FBXW5: variants seen among roughly 807,000 people sequenced by gnomAD.
FBXW5 encodes F-box/WD repeat-containing protein 5.
A neutral mutation model predicts 50.9 loss-of-function variants in FBXW5; 74 were observed. The observed-to-expected ratio is 1.45, with a 90% CI of 1.20 to 1.76. FBXW5 has a LOEUF of 1.76. FBXW5 is among the 40% of genes most tolerant of loss of function. The probability of loss-of-function intolerance (pLI) is 0.00; values close to 1 mark genes in which losing one functional copy is unlikely to be tolerated. For missense variants in FBXW5, 1,073 were observed against 818.8 expected, an observed-to-expected ratio of 1.31 and a Z score of -3.79; for synonymous variants, 523 against 362.2, an observed-to-expected ratio of 1.44 and a Z score of -5.04.
intron 3 of FBXW5, 145 bp from the exon 4 acceptor site, chr9:136,943,088 C>A: frequency 2.3e-6 from 3 of 1,316,988 alleles, no homozygotes; most frequent in Non-Finnish European, 3.2e-6. Flanking sequence ...CTGTCATCCA[C>A]TCGGGGGGCA....
rs141420875 is a variant in FBXW5 at position 136,943,476 on chromosome 9, C to T, written c.224G>A (p.Arg75Gln). The change falls in exon 3 of 9, where the codon CGG becomes CAG. Residue 75 changes from arginine to glutamine, a missense_variant. Transcript: ENST00000325285. ...CACGCAGGGCACCGTGTCATACAGC[C>T]GCTGGAACTCCTCGTACCAGGACAT... ...AAMSWYEEFQ[R>Q]LYDTVPCVEV... 13 of 1,611,926 alleles carry T rather than the reference C, an allele frequency of 8.1e-6. No homozygotes were observed. The highest frequency in any genetic ancestry group is 2.7e-5 in the African/African-American group (2 of 74,914).
intron 1 of FBXW5, chr9:136,944,330 G>A (rs907902142): frequency 4.2e-5 from 25 of 600,258 alleles, no homozygotes; most frequent in Non-Finnish European, 5.4e-5. Context: ...GGCCGGCAGC[G>A]GGCGCCCCTC....
In FBXW5 at chr9:136,944,222, G is replaced by A. The variant is rs1341043336; in HGVS notation, c.-23-116C>T. 4 of 1,191,846 alleles carry A rather than the reference G, an allele frequency of 3.4e-6. No individual in the cohort carries two copies. The East Asian group carries it at 8.7e-5, about 26-fold the overall frequency. The allele number at this position is 1,191,846 out of a possible 1,614,324, so 73.8% of individuals were successfully genotyped here. A position where few individuals can be genotyped will look rare whatever the true frequency, so the allele number is the denominator to read the frequency against. On this transcript the variant is annotated intron_variant, in intron 1 of 8. Coordinates refer to ENST00000325285, the MANE Select transcript of FBXW5 (RefSeq NM_018998.4). The stretch of plus-strand genomic sequence containing the variant: ...GGGAGTTCCACGGGGCTGCGTGTCT[G>A]CAGGGGACGCCCGGGTACCGCCGCC...
In FBXW5 at chr9:136,942,296, C is replaced by G. The variant is rs539302134; in HGVS notation, c.846G>C (p.Leu282=). Residue 282 remains leucine, a synonymous_variant, in exon 6 of 9, where the codon CTG becomes CTC. Coordinates refer to ENST00000325285, the MANE Select transcript of FBXW5 (RefSeq NM_018998.4). ...CCACCACCTCCTCGTTGTCGCTGCC[C>G]AGGTCAAAGATGCGGCAGGGGGACG... is the stretch of plus-strand genomic sequence containing the variant. ...PATSPCRIFD[L]GSDNEEVVAG... The G allele has an allele frequency of 1.3e-6, 2 of 1,593,650 alleles. No homozygotes were observed. Among genetic ancestry groups the G allele is most frequent in the African/African-American group, 1.3e-5 (1 of 74,532 alleles).
intron 1 of FBXW5, chr9:136,944,377 G>A: frequency 3.0e-6 from 2 of 655,834 alleles, no homozygotes; most frequent in Non-Finnish European, 3.9e-6. Context: ...CGCGAGGCAC[G>A]GGGACACCAG....
Position 136,944,286 on chromosome 9 carries a change from C to T in FBXW5, c.-23-180G>A, listed in dbSNP as rs573877144. ...GGCAGCTCCGGGCGGGCCGGGCCGG[C>T]CCCTCTCCGCCGCGTCATCCCCCGG... is the stretch of plus-strand genomic sequence containing the variant. On this transcript the variant is annotated intron_variant, in intron 1 of 8. Transcript: ENST00000325285. 1.6e-4 allele frequency: 115 copies of T among 705,928 alleles called. No individual in the cohort carries two copies. In the East Asian group the frequency reaches 4.1e-3, roughly 25 times the overall value. The allele number at this position is 705,928 out of a possible 1,614,324, so 43.7% of individuals were successfully genotyped here. A position where few individuals can be genotyped will look rare whatever the true frequency, so the allele number is the denominator to read the frequency against.
At position 136,943,042 on chromosome 9, in the gene FBXW5, C is replaced by CA. The variant is rs1850858711; in HGVS notation, c.352-100dup. 1.9e-6 allele frequency: 3 copies of CA among 1,565,088 alleles called. 1 individual carries two copies. In the South Asian group the frequency reaches 3.4e-5, roughly 17 times the overall value. On this transcript the variant is annotated intron_variant, in intron 3 of 8. Coordinates refer to ENST00000325285, the MANE Select transcript of FBXW5 (RefSeq NM_018998.4). ...AGGCCCCAGCTCTGCCAGCCCTACT[C>CA]AGAGGCCACCAGGGAGCAGGGACCC...
chr9:136,944,154 C>A, intron 1 of FBXW5, 48 bp from the exon 2 acceptor site: 1 of 1,479,718 alleles, frequency 6.8e-7, no homozygotes, highest in Non-Finnish European at 9.0e-7. Context: ...GGAAGGGAGG[C>A]CGAGAGCGGG....
chr9:136,944,431 G>T, intron 1 of FBXW5, 163 bp downstream of exon 1: 2 of 893,200 alleles, frequency 2.2e-6, no homozygotes, highest in Middle Eastern at 5.5e-4. Context: ...AGCTCGGGGC[G>T]GCCAGGCAGT....
intron 1 of FBXW5, 22 bp downstream of exon 1, chr9:136,944,572 C>A (rs895121969): frequency 2.0e-5 from 20 of 983,760 alleles, no homozygotes; most frequent in Non-Finnish European, 2.4e-5. Context: ...GCGGGACCCC[C>A]GAGGGCCGCA....
chr9:136,942,765 T>G lies in FBXW5; in HGVS notation c.526+4A>C, dbSNP rs1174016274. On this transcript the variant is annotated splice_donor_region_variant and intron_variant, in intron 4 of 8. Transcript: ENST00000325285. ...GGCAGGGTCAACCCGCCGCCCGTGC[T>G]CACCTAGGCTGATGACAGCAATCTC... The G allele has an allele frequency of 6.2e-7, 1 of 1,612,176 alleles. No homozygotes were observed. Among genetic ancestry groups the G allele is most frequent in the Admixed American group, 1.7e-5 (1 of 59,968 alleles).
Position 136,941,288 on chromosome 9 carries a change from A to AG in FBXW5, c.1419dup (p.Phe474LeufsTer107), listed in dbSNP as rs1564432546. The AG allele has an allele frequency of 6.2e-7, 1 of 1,608,232 alleles. No individual in the cohort carries two copies. Among genetic ancestry groups the AG allele is most frequent in the East Asian group, 2.2e-5 (1 of 44,878 alleles). On this transcript the variant is annotated frameshift_variant, in exon 8 of 9. Coordinates refer to ENST00000325285, the MANE Select transcript of FBXW5 (RefSeq NM_018998.4). LOFTEE classifies it high-confidence loss of function. ...TCCCTGCTGACGTCCAGGAAGATGAAGAAGCACTCGTCGTTGGGCGTGTAG... is the reference window on the plus strand; with the variant it reads ...TCCCTGCTGACGTCCAGGAAGATGAAGGAAGCACTCGTCGTTGGGCGTGTAG...
Position 136,942,961 on chromosome 9 carries a change from C to T in FBXW5, c.352-18G>A. On this transcript the variant is annotated intron_variant, in intron 3 of 8. Coordinates refer to ENST00000325285, the MANE Select transcript of FBXW5 (RefSeq NM_018998.4). Reference sequence around the variant, plus strand: ...CTCCAGATCTGTTCGGCAGGGGCGGCTGTAGTGATCGCCTGGCCAGGTCGC... The same window carrying T: ...CTCCAGATCTGTTCGGCAGGGGCGGTTGTAGTGATCGCCTGGCCAGGTCGC... 1 of 1,611,988 alleles carries T rather than the reference C, an allele frequency of 6.2e-7. No homozygotes were observed. The highest frequency in any genetic ancestry group is 8.5e-7 in the Non-Finnish European group (1 of 1,179,732).
chr9:136,944,686 A>G lies in FBXW5; in HGVS notation c.-116T>C, dbSNP rs1588465213. ...CCGCTCGGACCGCCGCCCCCGCCCA[A>G]CGGGGAGCCCGCCAGGCCCGACGCC... On this transcript the variant is annotated 5_prime_UTR_variant, in exon 1 of 9. Transcript: ENST00000325285. The G allele has an allele frequency of 2.0e-6, 2 of 985,472 alleles. No individual in the cohort carries two copies. The highest frequency in any genetic ancestry group is 4.6e-5 in the South Asian group (1 of 21,924). 61.0% of individuals were successfully genotyped at this position (985,472 alleles called of 1,614,324 possible).
Position 136,943,362 on chromosome 9 carries a change from T to A in FBXW5, c.338A>T (p.Asp113Val). The A allele has an allele frequency of 3.7e-6, 6 of 1,612,124 alleles. No homozygotes were observed. Among genetic ancestry groups the A allele is most frequent in the Non-Finnish European group, 5.1e-6 (6 of 1,179,644 alleles). The part of the protein sequence containing the change: ...SGYQFASCSK[D>V]CTVKIWSNDL... Reference sequence around the variant, plus strand: ...GGCCGTCCTCACCTTCACAGTGCAGTCCTTGGAGCAGGACGCGAACTGGTA... The same window carrying A: ...GGCCGTCCTCACCTTCACAGTGCAGACCTTGGAGCAGGACGCGAACTGGTA... The change falls in exon 3 of 9, where the codon GAC becomes GTC. Residue 113 changes from aspartate to valine, a missense_variant. Physicochemically the swap from Asp to Val is radical, Grantham distance 152. Transcript: ENST00000325285.
At position 136,941,662 on chromosome 9, in the gene FBXW5, G is replaced by A; in HGVS notation, c.1119C>T (p.His373=). ...HQIGIKQILP[H]QMTTAGPVLG... The stretch of plus-strand genomic sequence containing the variant: ...GCACGGGCCCTGCCGTGGTCATCTG[G>A]TGTGGCAGGATCTGCTTGATGCCTG... Residue 373 remains histidine (H), a synonymous_variant, in exon 7 of 9, where the codon CAC becomes CAT. Transcript: ENST00000325285. 1.3e-6 allele frequency: 2 copies of A among 1,564,830 alleles called. No individual in the cohort carries two copies. The highest frequency in any genetic ancestry group is 8.7e-7 in the Non-Finnish European group (1 of 1,155,516).
intron 1 of FBXW5, chr9:136,944,331 G>A: frequency 1.7e-6 from 1 of 603,782 alleles, no homozygotes; most frequent in Non-Finnish European, 2.3e-6. Flanking sequence ...GCCGGCAGCG[G>A]GCGCCCCTCA....
chr9:136,940,853 C>T lies in FBXW5; in HGVS notation c.*75G>A, dbSNP rs1850722343. On this transcript the variant is annotated 3_prime_UTR_variant, in exon 9 of 9. Transcript: ENST00000325285. ...AACTGCTATAAGCATCTCCACCTCT[C>T]CCGCTCGGGAAAAAGCCACAGAGCC... 1 of 1,510,204 alleles carries T rather than the reference C, an allele frequency of 6.6e-7. No individual in the cohort carries two copies. Among genetic ancestry groups the T allele is most frequent in the African/African-American group, 1.4e-5 (1 of 72,594 alleles). 93.6% of individuals were successfully genotyped at this position (1,510,204 alleles called of 1,614,324 possible).
Position 136,941,329 on chromosome 9 carries a change from A to G in FBXW5, c.1379T>C (p.Leu460Pro). The change falls in exon 8 of 9, where the codon CTG becomes CCG. Residue 460 changes from leucine to proline, a missense_variant. Transcript: ENST00000325285. ...LKTMREVRRALRAHRAYTPND... is the reference protein window; with the variant it reads ...LKTMREVRRAPRAHRAYTPND... The stretch of plus-strand genomic sequence containing the variant: ...GGGCGTGTAGGCGCGGTGCGCACGC[A>G]GAGCCCGCCTCACCTCCCGCATGGT... 6.2e-7 allele frequency: 1 copy of G among 1,610,738 alleles called. No individual in the cohort carries two copies. The highest frequency in any genetic ancestry group is 8.5e-7 in the Non-Finnish European group (1 of 1,179,766).
Sources: gnomAD v4.1 joint callset for allele counts on GRCh38, gnomAD v4.1.1 for gene constraint, MANE v1.5 for transcripts, NCBI Gene and HGNC (gene_info 2026-07-23, HGNC 2026-07-21) for gene names.